Variants in HMG20A observed in about 807,000 individuals in gnomAD.
HMG20A encodes the protein high mobility group protein 20A.
Under a neutral mutation model 43.9 loss-of-function variants are expected in HMG20A, and 17 were observed. That is an observed-to-expected ratio of 0.39 (90% CI 0.27 to 0.58). The LOEUF is 0.58. Among genes scored for constraint, HMG20A ranks in the 20% least tolerant of loss-of-function variants. HMG20A has a pLI of 0.59. For synonymous variants in HMG20A, 132 were observed against 147.5 expected, an observed-to-expected ratio of 0.89 and a Z score of 0.76; for missense variants, 341 against 438.2, an observed-to-expected ratio of 0.78 and a Z score of 1.98.
the HMG20A span, among the ~76,000 whole-genome samples, chr15:77,512,024 G>A: frequency 1.3e-5 from 2 of 152,290 alleles, no homozygotes; most frequent in African/African-American, 4.8e-5. Flanking sequence ...CCCATCAACA[G>A]ATGAATGGAT....
intron 1 of HMG20A, among the ~76,000 whole-genome samples, chr15:77,425,347 A>G (rs2073415930): frequency 6.6e-6 from 1 of 152,248 alleles, no homozygotes; most frequent in Non-Finnish European, 1.5e-5. Context: ...TTCAGTAAAT[A>G]TTTGTGGACG....
In HMG20A at chr15:77,435,853, G is replaced by A. The variant is rs528378436; in HGVS notation, c.-5+14849G>A. Among the ~76,000 whole-genome samples the A allele has an allele frequency of 3.3e-5, 5 of 150,292 alleles. No homozygotes were observed. The East Asian group carries it at 5.8e-4, about 18-fold the overall frequency. On this transcript the variant is annotated intron_variant, in intron 1 of 9. Transcript: ENST00000336216. ...TTTTCTTGAGATAGTCTGACACCAC[G>A]CATTCCTGGCTCTCTGCCTACCTCT...
At chr15:77,464,564 C>T in intron 3 of HMG20A, 177 bp downstream of exon 3, 1 of 510,748 alleles carries the variant, frequency 2.0e-6, no homozygotes, top group Non-Finnish European at 3.6e-6. Context: ...ATTTTAATGA[C>T]ATAGACAGGT....
chr15:77,457,432 A>G (rs548480365), intron 1 of HMG20A, among the ~76,000 whole-genome samples: 1 of 152,296 alleles, frequency 6.6e-6, no homozygotes, highest in East Asian at 1.9e-4. Flanking sequence ...GTTCTGTGTA[A>G]GTGGCTGATG....
At chr15:77,453,375 A>G (rs2072622666) in intron 1 of HMG20A, among the ~76,000 whole-genome samples, 3 of 152,200 alleles carry the variant, frequency 2.0e-5, no homozygotes, top group Admixed American at 2.0e-4. Flanking sequence ...CAAAATCACA[A>G]TGAGATACCA....
At chr15:77,453,420 A>G (rs8032071) in intron 1 of HMG20A, among the ~76,000 whole-genome samples, 36,776 of 152,084 alleles carry the variant, frequency 0.24, 5,169 homozygotes, top group Middle Eastern at 0.36. Context: ...AATAAAAAAG[A>G]TAATACCAAG....
the HMG20A span, among the ~76,000 whole-genome samples, chr15:77,493,391 C>G: frequency 6.6e-6 from 1 of 151,990 alleles, no homozygotes; most frequent in Non-Finnish European, 1.5e-5. Context: ...GAAAGAAAAC[C>G]AGGGACCTGG....
intron 1 of HMG20A, among the ~76,000 whole-genome samples, chr15:77,451,618 A>G (rs533500814): frequency 1.3e-5 from 2 of 152,316 alleles, no homozygotes; most frequent in Admixed American, 1.3e-4. Flanking sequence ...TTTTGTAATC[A>G]TGGGTTCTGC....
intron 1 of HMG20A, among the ~76,000 whole-genome samples, chr15:77,446,423 T>A (rs1302221044): frequency 1.3e-5 from 2 of 149,040 alleles, no homozygotes; most frequent in Non-Finnish European, 1.5e-5. Context: ...TTTTCAACTT[T>A]AAAAAAAAAA....
the HMG20A span, among the ~76,000 whole-genome samples, chr15:77,498,852 A>T: frequency 6.6e-6 from 1 of 152,198 alleles, no homozygotes; most frequent in Non-Finnish European, 1.5e-5. Context: ...CCATCTCTCC[A>T]CTAAAACCTT....
At chr15:77,498,194 A>C in the HMG20A span, among the ~76,000 whole-genome samples, 1 of 152,130 alleles carries the variant, frequency 6.6e-6, no homozygotes, top group Non-Finnish European at 1.5e-5. Flanking sequence ...ACCTTCCAGA[A>C]AGACTTCATT....
At chr15:77,436,530 C>T (rs2073550704) in intron 1 of HMG20A, among the ~76,000 whole-genome samples, 1 of 151,898 alleles carries the variant, frequency 6.6e-6, no homozygotes, top group African/African-American at 2.4e-5. Context: ...ATGTTCTCGG[C>T]TCATTGAATC....
At chr15:77,436,102 G>A (rs74026910) in intron 1 of HMG20A, among the ~76,000 whole-genome samples, 2 of 151,946 alleles carry the variant, frequency 1.3e-5, no homozygotes, top group East Asian at 1.9e-4. Flanking sequence ...TATCTCAAAG[G>A]CATCTTAAAA....
the HMG20A span, among the ~76,000 whole-genome samples, chr15:77,491,793 A>G: frequency 6.6e-6 from 1 of 152,222 alleles, no homozygotes; most frequent in Non-Finnish European, 1.5e-5. Context: ...CTAGAGATAG[A>G]AGTACATTTT....
At chr15:77,462,220 T>C (rs2072710958) in intron 2 of HMG20A, among the ~76,000 whole-genome samples, 1 of 152,200 alleles carries the variant, frequency 6.6e-6, no homozygotes, top group Non-Finnish European at 1.5e-5. Context: ...CTTTTTGGCC[T>C]ATCTTATTTA....
At chr15:77,434,622 A>G (rs971424739) in intron 1 of HMG20A, among the ~76,000 whole-genome samples, 2 of 152,202 alleles carry the variant, frequency 1.3e-5, no homozygotes, top group Non-Finnish European at 2.9e-5. Flanking sequence ...GCACCCAGCT[A>G]TTTTATTTAC....
At chr15:77,509,813 A>G in the HMG20A span, among the ~76,000 whole-genome samples, 2 of 151,628 alleles carry the variant, frequency 1.3e-5, no homozygotes, top group Admixed American at 1.3e-4. Context: ...AGGCTGAGTC[A>G]GGAGAATCGC....
chr15:77,448,719 T>C (rs193244307), intron 1 of HMG20A, among the ~76,000 whole-genome samples: 35 of 152,306 alleles, frequency 2.3e-4, no homozygotes, highest in Admixed American at 1.4e-3. Flanking sequence ...GGATAGTAGA[T>C]AATATTTGTT....
At chr15:77,421,064 G>T (rs946603331) in intron 1 of HMG20A, 60 bp downstream of exon 1, 1 of 396,644 alleles carries the variant, frequency 2.5e-6, no homozygotes, top group African/African-American at 2.1e-5. Flanking sequence ...ACCCCTTGAA[G>T]ATCACCCCTC....
Sources: gnomAD v4.1 joint callset for allele counts (sites outside exome capture counted in the v4.1 genomes callset) on GRCh38, gnomAD v4.1.1 for gene constraint, MANE v1.5 for transcripts, NCBI Gene and HGNC (gene_info 2026-07-23, HGNC 2026-07-21) for gene names.